The following MMP8 variants were observed in gnomAD, a reference collection of about 807,000 sequenced individuals.
The protein encoded by MMP8 is neutrophil collagenase.
A neutral mutation model predicts 51.2 loss-of-function variants in MMP8; 67 were observed. The ratio of observed to expected loss-of-function variants is 1.31; its 90% confidence interval spans 1.08 to 1.60. MMP8 has a LOEUF of 1.60. Among genes scored for constraint, MMP8 ranks in the 40% most tolerant of loss-of-function variants. The probability of loss-of-function intolerance (pLI) is 0.00; values close to 1 mark genes in which losing one functional copy is unlikely to be tolerated. For missense variants in MMP8, 654 were observed against 558.1 expected (o/e 1.17, Z -1.73); for synonymous variants, 225 against 191.0 (o/e 1.18, Z -1.47).
chr11:102,713,906 C>T lies in MMP8; in HGVS notation c.1191-49G>A, dbSNP rs370125806. On this transcript the variant is annotated intron_variant, in intron 8 of 9. Coordinates refer to ENST00000236826, the MANE Select transcript of MMP8 (RefSeq NM_002424.3). ...GATTTAACACCAATACAGAATATAA[C>T]GAAAAAAATTTTTTTTATTGTATAT... 1.2e-4 allele frequency: 177 copies of T among 1,429,544 alleles called. 1 individual carries two copies. Among genetic ancestry groups the T allele is most frequent in the African/African-American group, 5.4e-4 (37 of 68,748 alleles). The allele number at this position is 1,429,544 out of a possible 1,614,324, so 88.6% of individuals were successfully genotyped here.
At chr11:102,722,327 T>C (rs560053143) in intron 2 of MMP8, 102 bp downstream of exon 2, 349 of 1,244,418 alleles carry the variant, frequency 2.8e-4, no homozygotes, top group Admixed American at 8.7e-4. Context: ...GCAGGGATAT[T>C]TATCTACTTG....
Position 102,718,837 on chromosome 11 carries a change from AC to A in MMP8, c.623-263del, listed in dbSNP as rs564291080. ...AAAAGCTGCATTTATTCCAATTCTCACATTTTACAAATGTGCATCTGAGACT... is the reference window on the plus strand; with the variant it reads ...AAAAGCTGCATTTATTCCAATTCTCAATTTTACAAATGTGCATCTGAGACT... On this transcript the variant is annotated intron_variant, in intron 4 of 9. Transcript: ENST00000236826. Among the ~76,000 whole-genome samples the A allele has an allele frequency of 3.9e-5, 6 of 152,314 alleles. No homozygotes were observed. The South Asian group carries it at 1.0e-3, about 26-fold the overall frequency.
In MMP8 at chr11:102,713,148, T is replaced by G; in HGVS notation, c.*200A>C. 2.2e-6 allele frequency: 1 copy of G among 453,640 alleles called. No homozygotes were observed. The highest frequency in any genetic ancestry group is 3.9e-6 in the Non-Finnish European group (1 of 254,662). The allele number at this position is 453,640 out of a possible 1,614,324, so 28.1% of individuals were successfully genotyped here. A position where few individuals can be genotyped will look rare whatever the true frequency, so the allele number is the denominator to read the frequency against. On this transcript the variant is annotated 3_prime_UTR_variant, in exon 10 of 10. Coordinates refer to ENST00000236826, the MANE Select transcript of MMP8 (RefSeq NM_002424.3). ...ATGGAATCACTAATGTAAGATGGAA[T>G]GTGTAAGAACTGAATAAGCCTCTGC...
chr11:102,723,761 T>C, intron 1 of MMP8: 1 of 272,190 alleles, frequency 3.7e-6, no homozygotes, highest in South Asian at 3.5e-5. Context: ...GGACCCACTG[T>C]CACATGGGCT....
At position 102,714,544 on chromosome 11, in the gene MMP8, A is replaced by T. The variant is rs750430770; in HGVS notation, c.1190+12T>A. The T allele has an allele frequency of 7.0e-7, 1 of 1,419,720 alleles. No individual in the cohort carries two copies. The highest frequency in any genetic ancestry group is 2.7e-5 in the Admixed American group (1 of 36,708). 87.9% of individuals were successfully genotyped at this position (1,419,720 alleles called of 1,614,324 possible). ...GATTTCAACCTATAATTGAAAAAATAGTTTACGTTACCTCCAGAATTGGTC... is the reference window on the plus strand; with the variant it reads ...GATTTCAACCTATAATTGAAAAAATTGTTTACGTTACCTCCAGAATTGGTC... On this transcript the variant is annotated intron_variant, in intron 8 of 9. Coordinates refer to ENST00000236826, the MANE Select transcript of MMP8 (RefSeq NM_002424.3).
Position 102,712,663 on chromosome 11 carries a change from A to G in MMP8, c.*685T>C, listed in dbSNP as rs1276282. ...TTCATACGGCCTCCTCCCCTAGGTG[A>G]CTATGCCTCTCTTCTTCTTATAAGA... is the stretch of plus-strand genomic sequence containing the variant. On this transcript the variant is annotated 3_prime_UTR_variant, in exon 10 of 10. Transcript: ENST00000236826. 140,449 of 152,248 alleles carry G rather than the reference A, an allele frequency of 0.92. 64,849 individuals are homozygous for G. Among genetic ancestry groups the G allele is most frequent in the East Asian group, 1 (5,174 of 5,180 alleles). 9.4% of individuals were successfully genotyped at this position (152,248 alleles called of 1,614,324 possible).
intron 1 of MMP8, chr11:102,723,392 T>A: frequency 2.6e-6 from 1 of 384,234 alleles, no homozygotes; most frequent in South Asian, 1.9e-5. Context: ...CCTGGCACCT[T>A]GTCAGTGTCT....
chr11:102,718,596 G>A (rs926732895), intron 4 of MMP8, 21 bp from the exon 5 acceptor site: 1 of 1,613,532 alleles, frequency 6.2e-7, no homozygotes, highest in Non-Finnish European at 8.5e-7. Context: ...AACACGGGTG[G>A]TAAACAGCTC....
intron 1 of MMP8, among the ~76,000 whole-genome samples, chr11:102,724,226 T>C (rs1235208351): frequency 6.6e-6 from 1 of 152,198 alleles, no homozygotes; most frequent in Non-Finnish European, 1.5e-5. Flanking sequence ...AAACTATTGG[T>C]TCTGCTTTTA....
Position 102,718,514 on chromosome 11 carries a change from G to A in MMP8, c.684C>T (p.Ser228=). ...EFGHSLGLAH[S]SDPGALMYPN... is the part of the protein sequence containing the mutation. ...GATACATCAAGGCACCAGGGTCAGA[G>A]GAGTGAGCGAGCCCCAAAGAATGGC... The change falls in exon 5 of 10, where the codon TCC becomes TCT. Residue 228 remains serine, a synonymous_variant. Coordinates refer to ENST00000236826, the MANE Select transcript of MMP8 (RefSeq NM_002424.3). The A allele has an allele frequency of 6.2e-7, 1 of 1,613,976 alleles. No individual in the cohort carries two copies. Among genetic ancestry groups the A allele is most frequent in the Non-Finnish European group, 8.5e-7 (1 of 1,179,930 alleles).
chr11:102,717,636 TCTC>T (rs977086392), intron 5 of MMP8, among the ~76,000 whole-genome samples: 2 of 152,128 alleles, frequency 1.3e-5, no homozygotes, highest in African/African-American at 4.8e-5. Context: ...TGTATAGTCT[TCTC>T]CTAATAGACT....
In MMP8 at chr11:102,712,798, G is replaced by A. The variant is rs1428731529; in HGVS notation, c.*550C>T. The A allele has an allele frequency of 6.6e-6, 1 of 152,326 alleles. No individual in the cohort carries two copies. Among genetic ancestry groups the A allele is most frequent in the Non-Finnish European group, 1.5e-5 (1 of 68,224 alleles). The allele number at this position is 152,326 out of a possible 1,614,324, so 9.4% of individuals were successfully genotyped here. ...GTAAGCTCACATTCATGGGTACCTG[G>A]GGTTAGAACTTCAACATATCTTTTA... On this transcript the variant is annotated 3_prime_UTR_variant, in exon 10 of 10. Coordinates refer to ENST00000236826, the MANE Select transcript of MMP8 (RefSeq NM_002424.3).
intron 4 of MMP8, among the ~76,000 whole-genome samples, chr11:102,718,979 C>T: frequency 6.6e-6 from 1 of 152,146 alleles, no homozygotes; most frequent in East Asian, 1.9e-4. Flanking sequence ...TCCCTGTGAG[C>T]AAGTAGTTAG....
In MMP8 at chr11:102,714,762, TTATATATATATATATATA is replaced by T. The variant is rs58774554; in HGVS notation, c.1037-71_1037-54del. On this transcript the variant is annotated intron_variant, in intron 7 of 9. Coordinates refer to ENST00000236826, the MANE Select transcript of MMP8 (RefSeq NM_002424.3). ...ATACGACTTTTCCATTTTTACAAAATTATATATATATATATATATATATATATATATATATATATATAT... is the reference window on the plus strand; with the variant it reads ...ATACGACTTTTCCATTTTTACAAAATTATATATATATATATATATATATAT... 4.0e-3 allele frequency: 707 copies of T among 176,584 alleles called. 11 individuals carry two copies. The highest frequency in any genetic ancestry group is 0.031 in the East Asian group (123 of 3,932). 10.9% of individuals were successfully genotyped at this position (176,584 alleles called of 1,614,324 possible). A position where few individuals can be genotyped will look rare whatever the true frequency, so the allele number is the denominator to read the frequency against.
At position 102,713,698 on chromosome 11, in the gene MMP8, TCC is replaced by T. The variant is rs1032632266; in HGVS notation, c.1294+54_1294+55del. The T allele has an allele frequency of 7.1e-6, 10 of 1,417,224 alleles. No homozygotes were observed. In the African/African-American group the frequency reaches 1.4e-4, roughly 20 times the overall value. The allele number at this position is 1,417,224 out of a possible 1,614,324, so 87.8% of individuals were successfully genotyped here. A position where few individuals can be genotyped will look rare whatever the true frequency, so the allele number is the denominator to read the frequency against. ...CTGGTCAGCATAGTAAGACCCTGTC[TCC>T]TCTATAATAAACAAACAAACAACAC... is the stretch of plus-strand genomic sequence containing the variant. On this transcript the variant is annotated intron_variant, in intron 9 of 9. Coordinates refer to ENST00000236826, the MANE Select transcript of MMP8 (RefSeq NM_002424.3).
intron 5 of MMP8, among the ~76,000 whole-genome samples, chr11:102,718,199 T>C (rs997947507): frequency 1.3e-5 from 2 of 152,048 alleles, no homozygotes; most frequent in African/African-American, 2.4e-5. Flanking sequence ...TGGGAAGCAC[T>C]GTAGTGCATT....
Position 102,715,457 on chromosome 11 carries a change from C to T in MMP8, c.903-20G>A, listed in dbSNP as rs1861264126. Reference sequence around the variant, plus strand: ...AAGTACCTAACGGAACATAAGGAAACACACACACACACTTATACATAACAG... The same window carrying T: ...AAGTACCTAACGGAACATAAGGAAATACACACACACACTTATACATAACAG... On this transcript the variant is annotated intron_variant, in intron 6 of 9. Transcript: ENST00000236826. 2 of 1,540,946 alleles carry T rather than the reference C, an allele frequency of 1.3e-6. No individual in the cohort carries two copies. The highest frequency in any genetic ancestry group is 1.8e-5 in the Admixed American group (1 of 54,608).
chr11:102,720,400 CAG>C (rs965371275), intron 4 of MMP8, among the ~76,000 whole-genome samples: 4 of 152,086 alleles, frequency 2.6e-5, no homozygotes, highest in African/African-American at 9.7e-5. Context: ...AGGAGGGCAA[CAG>C]GGAATGGAGA....
Position 102,722,636 on chromosome 11 carries a change from T to G in MMP8, c.140A>C (p.Gln47Pro). The G allele has an allele frequency of 6.2e-7, 1 of 1,613,846 alleles. No homozygotes were observed. Among genetic ancestry groups the G allele is most frequent in the Non-Finnish European group, 8.5e-7 (1 of 1,179,770 alleles). The change falls in exon 2 of 10, where the codon CAG becomes CCG. Residue 47 changes from glutamine to proline, a missense_variant. Transcript: ENST00000236826. ...GCCATTCTTCCTTGTAGACTGATAC[T>G]GGTTGCTTGGTAATTGGTAGAACTT... is the stretch of plus-strand genomic sequence containing the variant. Reference protein sequence around the residue: ...LEKFYQLPSNQYQSTRKNGTN... With the variant: ...LEKFYQLPSNPYQSTRKNGTN...
Sources: allele counts gnomAD v4.1 joint callset (sites outside exome capture counted in the v4.1 genomes callset), GRCh38; gene constraint gnomAD v4.1.1; transcripts MANE v1.5; gene names NCBI Gene and HGNC (gene_info 2026-07-23, HGNC 2026-07-21).